FRMD3: variants seen among roughly 807,000 people sequenced by gnomAD.
The protein encoded by FRMD3 is FERM domain containing 3, also known as FERM domain-containing protein 3.
In FRMD3, 33 loss-of-function variants were observed where a neutral mutation model predicts 70.2. The observed-to-expected ratio is 0.47, with a 90% CI of 0.36 to 0.63. The LOEUF (loss-of-function observed/expected upper bound fraction) is 0.63, where lower values mean the gene tolerates loss of function less well. FRMD3 is among the 20% of genes least tolerant of loss of function. FRMD3 has a pLI of 0.00. For missense variants in FRMD3, 632 were observed against 711.4 expected (o/e 0.89, Z 1.27); for synonymous variants, 279 against 255.9 (o/e 1.09, Z -0.86).
At chr9:83,344,522 TGA>T (rs1324764280) in intron 4 of FRMD3, among the ~76,000 whole-genome samples, 2 of 152,184 alleles carry the variant, frequency 1.3e-5, no homozygotes, top group Non-Finnish European at 2.9e-5. Context: ...TGCAATCCAT[TGA>T]GAGACTGAAT....
intron 1 of FRMD3, among the ~76,000 whole-genome samples, chr9:83,441,657 G>GA (rs1391254688): frequency 2.6e-5 from 4 of 152,034 alleles, no homozygotes; most frequent in African/African-American, 2.4e-5. Flanking sequence ...TAATCTAGTG[G>GA]AAAAAAGCCT....
At chr9:83,424,383 A>G (rs1033286800) in intron 1 of FRMD3, among the ~76,000 whole-genome samples, 1 of 152,222 alleles carries the variant, frequency 6.6e-6, no homozygotes, top group Non-Finnish European at 1.5e-5. Flanking sequence ...AAGCAAAAAT[A>G]TACAGACCAC....
At chr9:83,541,963 C>A (rs374287236), upstream of FRMD3, among the ~76,000 whole-genome samples, 11 of 152,032 alleles carry the variant, frequency 7.2e-5, no homozygotes, top group African/African-American at 2.4e-4. Flanking sequence ...TATTTTTTAC[C>A]GATTGGGTCC....
At chr9:83,364,287 G>C (rs1336769289) in intron 3 of FRMD3, among the ~76,000 whole-genome samples, 4 of 152,118 alleles carry the variant, frequency 2.6e-5, no homozygotes, top group Admixed American at 1.3e-4. Context: ...GGCTGGGCAC[G>C]GTGGCTCACG....
chr9:83,562,875 T>G, the FRMD3 span, among the ~76,000 whole-genome samples: 14 of 151,690 alleles, frequency 9.2e-5, no homozygotes, highest in Non-Finnish European at 1.5e-4. Flanking sequence ...AAACCATGTC[T>G]GGTTGTATGG....
At chr9:83,553,515 G>T in the FRMD3 span, among the ~76,000 whole-genome samples, 1 of 152,180 alleles carries the variant, frequency 6.6e-6, no homozygotes. Context: ...CATAAATTTG[G>T]CCTCTTTACA....
chr9:83,309,403 A>C (rs1051129974), intron 10 of FRMD3, 133 bp downstream of exon 10: 1 of 601,236 alleles, frequency 1.7e-6, no homozygotes, highest in African/African-American at 1.9e-5. Flanking sequence ...TGAACAATGC[A>C]CAAAATTTTA....
the FRMD3 span, among the ~76,000 whole-genome samples, chr9:83,577,195 G>A: frequency 3.9e-5 from 6 of 152,044 alleles, no homozygotes; most frequent in African/African-American, 1.4e-4. Context: ...AAGCCCAGCT[G>A]ACTTTTTTTT....
At chr9:83,265,576 G>A (rs193109281) in intron 13 of FRMD3, among the ~76,000 whole-genome samples, 172 of 152,122 alleles carry the variant, frequency 1.1e-3, no homozygotes, top group African/African-American at 4.1e-3. Context: ...CAATAGAAAT[G>A]TACTAAGTAA....
At chr9:83,507,538 C>T (rs1300296620) in intron 1 of FRMD3, among the ~76,000 whole-genome samples, 3 of 148,774 alleles carry the variant, frequency 2.0e-5, no homozygotes, top group South Asian at 2.1e-4. Flanking sequence ...GGTGTGGTGG[C>T]GGGCGCCTGT....
chr9:83,484,131 T>C (rs1278713419), intron 1 of FRMD3, among the ~76,000 whole-genome samples: 2 of 152,178 alleles, frequency 1.3e-5, no homozygotes, highest in Non-Finnish European at 1.5e-5. Flanking sequence ...AGTGCAAACC[T>C]TTCCTCTGAC....
chr9:83,289,804 A>T (rs1207603264), intron 13 of FRMD3, among the ~76,000 whole-genome samples: 2 of 152,368 alleles, frequency 1.3e-5, no homozygotes, highest in East Asian at 3.9e-4. Flanking sequence ...TAATTTCATC[A>T]ACTTAATTTA....
chr9:83,530,929 G>A (rs1829779933), intron 1 of FRMD3, among the ~76,000 whole-genome samples: 2 of 152,110 alleles, frequency 1.3e-5, no homozygotes, highest in African/African-American at 4.8e-5. Flanking sequence ...GAGTCCCAGG[G>A]TCAAGCTCTG....
intron 13 of FRMD3, chr9:83,276,333 C>A (rs1833791119): frequency 7.4e-6 from 1 of 135,596 alleles, no homozygotes; most frequent in African/African-American, 2.9e-5. Flanking sequence ...TTATTTCACT[C>A]CCTCCAGACA....
intron 10 of FRMD3, among the ~76,000 whole-genome samples, chr9:83,301,291 C>T (rs1318431113): frequency 1.3e-5 from 2 of 152,136 alleles, no homozygotes; most frequent in African/African-American, 4.8e-5. Flanking sequence ...GGTCCATCTG[C>T]ACCCCCTAAA....
the FRMD3 span, among the ~76,000 whole-genome samples, chr9:83,583,109 T>A: frequency 2.0e-5 from 3 of 152,202 alleles, no homozygotes; most frequent in Non-Finnish European, 4.4e-5. Flanking sequence ...CATCCCAAAT[T>A]ATTCCATAGC....
chr9:83,465,408 C>G (rs13301580), intron 1 of FRMD3, among the ~76,000 whole-genome samples: 58,555 of 151,596 alleles, frequency 0.39, 11,708 homozygotes, highest in Middle Eastern at 0.49. Context: ...TGGGGCAACA[C>G]AGAGAGACCC....
intron 10 of FRMD3, among the ~76,000 whole-genome samples, chr9:83,303,204 G>T (rs1232648556): frequency 6.6e-6 from 1 of 152,192 alleles, no homozygotes; most frequent in Non-Finnish European, 1.5e-5. Flanking sequence ...TTACTACTGA[G>T]CCTTTAATAT....
At chr9:83,376,384 G>C (rs1476571027) in intron 2 of FRMD3, among the ~76,000 whole-genome samples, 1 of 152,144 alleles carries the variant, frequency 6.6e-6, no homozygotes, top group Non-Finnish European at 1.5e-5. Context: ...TTCTGCAGCA[G>C]TGTTTTCTAT....
Sources: gnomAD v4.1 joint callset for allele counts (sites outside exome capture counted in the v4.1 genomes callset) on GRCh38, gnomAD v4.1.1 for gene constraint, MANE v1.5 for transcripts, NCBI Gene and HGNC (gene_info 2026-07-23, HGNC 2026-07-21) for gene names.